The following EMC2 variants were observed in gnomAD, a reference collection of about 807,000 sequenced individuals.
EMC2 encodes the protein TPR repeat protein 35.
In EMC2, 37 loss-of-function variants were observed where a neutral mutation model predicts 51.6. The ratio of observed to expected loss-of-function variants is 0.72; its 90% CI spans 0.55 to 0.94. The LOEUF (loss-of-function observed/expected upper bound fraction) is 0.94. Among genes scored for constraint, EMC2 ranks in the 40% least tolerant of loss-of-function variants. The pLI, the probability that EMC2 is intolerant of heterozygous loss-of-function variation, is 0.00. For synonymous variants in EMC2, 131 were observed against 112.4 expected, an observed-to-expected ratio of 1.17 and a Z score of -1.04; for missense variants, 359 against 350.9, an observed-to-expected ratio of 1.02 and a Z score of -0.18.
At chr8:108,482,477 T>C (rs181976828) in intron 10 of EMC2, among the ~76,000 whole-genome samples, 12 of 152,322 alleles carry the variant, frequency 7.9e-5, no homozygotes, top group African/African-American at 2.9e-4. Flanking sequence ...AAGAAATCTT[T>C]TGCTACTCAC....
intron 4 of EMC2, among the ~76,000 whole-genome samples, chr8:108,454,681 T>C (rs1819110747): frequency 1.3e-5 from 2 of 152,094 alleles, no homozygotes; most frequent in South Asian, 4.1e-4. Context: ...TCTTTCTTTA[T>C]ATATTAGAAC....
At chr8:108,482,687 T>C (rs1338243708) in intron 10 of EMC2, among the ~76,000 whole-genome samples, 1 of 151,994 alleles carries the variant, frequency 6.6e-6, no homozygotes, top group Admixed American at 6.6e-5. Flanking sequence ...CAGGTTGAGT[T>C]ATCCTCCTGC....
In EMC2 at chr8:108,458,026, G is replaced by A. The variant is rs150660164; in HGVS notation, c.363+2096G>A. 3.1e-3 allele frequency among the ~76,000 whole-genome samples: 470 copies of A among 152,284 alleles called. 2 individuals are homozygous for A. The highest frequency in any genetic ancestry group is 0.011 in the African/African-American group (449 of 41,546). On this transcript the variant is annotated intron_variant, in intron 5 of 10. Coordinates refer to ENST00000220853, the MANE Select transcript of EMC2 (RefSeq NM_014673.5). The stretch of plus-strand genomic sequence containing the variant: ...CAGCCATTCCAAATGGGGGAAATTG[G>A]CCCAAACAAAGAGGCTACAGGCCCC...
At chr8:108,484,312 A>C (rs186811375) in intron 10 of EMC2, among the ~76,000 whole-genome samples, 1 of 152,110 alleles carries the variant, frequency 6.6e-6, no homozygotes, top group Non-Finnish European at 1.5e-5. Context: ...TTGCCATACA[A>C]TTCTGGAATA....
chr8:108,457,162 C>G (rs1819185920), intron 5 of EMC2, among the ~76,000 whole-genome samples: 1 of 152,124 alleles, frequency 6.6e-6, no homozygotes, highest in Non-Finnish European at 1.5e-5. Flanking sequence ...CTTTGATATT[C>G]TGTAATGATA....
intron 6 of EMC2, 70 bp downstream of exon 6, chr8:108,469,981 A>G (rs1810820472): frequency 3.9e-6 from 6 of 1,541,282 alleles, no homozygotes; most frequent in South Asian, 3.4e-5. Context: ...TGGAATTTGC[A>G]TTTGATTTTC....
At chr8:108,444,986 T>A (rs1249066251) in intron 1 of EMC2, among the ~76,000 whole-genome samples, 2 of 152,242 alleles carry the variant, frequency 1.3e-5, no homozygotes, top group Admixed American at 1.3e-4. Flanking sequence ...AAAAAATGTT[T>A]TAAATATTAC....
chr8:108,450,826 T>C (rs547016489), intron 3 of EMC2, among the ~76,000 whole-genome samples: 1 of 152,340 alleles, frequency 6.6e-6, no homozygotes, highest in South Asian at 2.1e-4. Flanking sequence ...TTTCACAGAA[T>C]GTAATGTTCA....
chr8:108,469,962 T>A (rs753129204), intron 6 of EMC2, 51 bp downstream of exon 6: 3 of 1,551,008 alleles, frequency 1.9e-6, no homozygotes, highest in Non-Finnish European at 2.7e-6. Context: ...AAATCTTTTT[T>A]AATTAAAATG....
rs1425260751 is a variant in EMC2 at position 108,487,597 on chromosome 8, C to T, written c.*999C>T. Reference sequence around the variant, plus strand: ...CAGTTTTTAAAATAGCAACTGTTCACCGCAAATATTTATGGTATTTGTTTA... The same window carrying T: ...CAGTTTTTAAAATAGCAACTGTTCATCGCAAATATTTATGGTATTTGTTTA... On this transcript the variant is annotated 3_prime_UTR_variant, in exon 11 of 11. Coordinates refer to ENST00000220853, the MANE Select transcript of EMC2 (RefSeq NM_014673.5). Among the ~76,000 whole-genome samples, 2 of 151,790 alleles carry T rather than the reference C, an allele frequency of 1.3e-5. No homozygotes were observed. The highest frequency in any genetic ancestry group is 6.6e-5 in the Admixed American group (1 of 15,230).
At chr8:108,455,753 G>T in intron 4 of EMC2, 120 bp from the exon 5 acceptor site, 1 of 432,502 alleles carries the variant, frequency 2.3e-6, no homozygotes. Flanking sequence ...TGCATTTAAA[G>T]CAATTATAAA....
At chr8:108,453,285 A>G (rs1018881369) in intron 4 of EMC2, 138 bp downstream of exon 4, 17 of 462,912 alleles carry the variant, frequency 3.7e-5, no homozygotes, top group Admixed American at 1.7e-4. Flanking sequence ...TTTGATGACT[A>G]ATGAGGTTGA....
chr8:108,466,366 T>C (rs1819464818), intron 5 of EMC2, among the ~76,000 whole-genome samples: 4 of 151,562 alleles, frequency 2.6e-5, no homozygotes. Context: ...TGAAGACTAA[T>C]AACTTGTTTT....
At chr8:108,460,815 C>T (rs983836147) in intron 5 of EMC2, among the ~76,000 whole-genome samples, 4 of 152,172 alleles carry the variant, frequency 2.6e-5, no homozygotes, top group Non-Finnish European at 4.4e-5. Context: ...GAGAGCAAAG[C>T]GACTTAATTC....
In EMC2 at chr8:108,445,683, A is replaced by G. The variant is rs558926341; in HGVS notation, c.40+1985A>G. ...ATGTATTCTATTCTAATACTATTGA[A>G]GCACTTACCCAATTGTGTTTTGTTT... is the stretch of plus-strand genomic sequence containing the variant. On this transcript the variant is annotated intron_variant, in intron 1 of 10. Coordinates refer to ENST00000220853, the MANE Select transcript of EMC2 (RefSeq NM_014673.5). 1.4e-4 allele frequency among the ~76,000 whole-genome samples: 21 copies of G among 152,314 alleles called. No individual in the cohort carries two copies. The South Asian group carries it at 3.9e-3, about 29-fold the overall frequency.
At chr8:108,475,223 G>C (rs1486793586) in intron 7 of EMC2, 1 of 151,830 alleles carries the variant, frequency 6.6e-6, no homozygotes, top group Non-Finnish European at 1.5e-5. Context: ...TGTTTTTCCA[G>C]AGCTCTTTCT....
chr8:108,458,646 C>G (rs754922289), intron 5 of EMC2, among the ~76,000 whole-genome samples: 4 of 152,102 alleles, frequency 2.6e-5, no homozygotes, highest in South Asian at 2.1e-4. Flanking sequence ...GCACCAAGTC[C>G]CTAGGTTGCA....
chr8:108,449,901 T>G lies in EMC2; in HGVS notation c.119T>G (p.Leu40Ter). 6.3e-7 allele frequency: 1 copy of G among 1,584,810 alleles called. No homozygotes were observed. The highest frequency in any genetic ancestry group is 1.7e-5 in the Admixed American group (1 of 59,822). Residue 40 changes from leucine to a stop codon, truncating the protein, a stop_gained, in exon 2 of 11, where the codon TTA (leucine) becomes TGA (stop). Transcript: ENST00000220853. LOFTEE classifies it high-confidence loss of function. ...CAAATTGTGGAAGTTGGAGAAGAAT[T>G]AATTAATGAATATGCTTCTAAGCTG... The part of the protein sequence containing the change: ...SEQIVEVGEE[L>*]INEYASKLGD...
chr8:108,445,494 TA>T, intron 1 of EMC2, among the ~76,000 whole-genome samples: 1 of 152,068 alleles, frequency 6.6e-6, no homozygotes, highest in African/African-American at 2.4e-5. Flanking sequence ...TTGCCCCCAT[TA>T]AACTTTATCA....
Sources: allele counts gnomAD v4.1 joint callset (sites outside exome capture counted in the v4.1 genomes callset), GRCh38; gene constraint gnomAD v4.1.1; transcripts MANE v1.5; gene names NCBI Gene and HGNC (gene_info 2026-07-23, HGNC 2026-07-21).